Variants in BAZ2B observed in about 807,000 individuals in gnomAD.
BAZ2B encodes bromodomain adjacent to zinc finger domain protein 2B.
BAZ2B carries 91 observed loss-of-function variants against 246.0 expected under a neutral mutation model. The ratio of observed to expected loss-of-function variants is 0.37; its 90% CI spans 0.31 to 0.44. The LOEUF (loss-of-function observed/expected upper bound fraction) is 0.44. Ranked by LOEUF, BAZ2B falls within the 20% of genes least tolerant of loss-of-function variation. BAZ2B has a pLI of 1.00. For synonymous variants in BAZ2B, 855 were observed against 860.0 expected, an observed-to-expected ratio of 0.99 and a Z score of 0.10; for missense variants, 2,332 against 2,533.7, an observed-to-expected ratio of 0.92 and a Z score of 1.71.
chr2:159,668,019 C>T, the BAZ2B span, among the ~76,000 whole-genome samples: 9 of 152,206 alleles, frequency 5.9e-5, no homozygotes, highest in African/African-American at 2.2e-4. Flanking sequence ...AATTCATGAA[C>T]ATGGTATATC....
intron 34 of BAZ2B, among the ~76,000 whole-genome samples, chr2:159,332,034 G>A (rs1176411126): frequency 3.3e-5 from 5 of 151,940 alleles, no homozygotes; most frequent in South Asian, 2.1e-4. Context: ...ATGGAGAGGC[G>A]GTAGTTAAAA....
At chr2:159,700,619 T>C in the BAZ2B span, among the ~76,000 whole-genome samples, 4 of 152,182 alleles carry the variant, frequency 2.6e-5, no homozygotes, top group Non-Finnish European at 4.4e-5. Flanking sequence ...CTAATTTTTG[T>C]ATTTTTTTGT....
the BAZ2B span, among the ~76,000 whole-genome samples, chr2:159,626,959 G>C: frequency 6.6e-6 from 1 of 151,944 alleles, no homozygotes; most frequent in Non-Finnish European, 1.5e-5. Context: ...GAATCAAATG[G>C]ACGCAATAAA....
chr2:159,573,328 T>C (rs180974576), intron 1 of BAZ2B, among the ~76,000 whole-genome samples: 2 of 152,242 alleles, frequency 1.3e-5, no homozygotes, highest in African/African-American at 4.8e-5. Flanking sequence ...ATCAACAGAA[T>C]AGAATTGAGA....
rs1403254197 is a variant in BAZ2B, at chr2:159,418,939, G to C, written c.2467-6394C>G. ...GCCTCTGGTAGTAAAATATTTGTGG[G>C]GTATGTTTTAAATCTGGATTAAGGC... On this transcript the variant is annotated intron_variant, in intron 13 of 36. Coordinates refer to ENST00000392783, the MANE Select transcript of BAZ2B (RefSeq NM_013450.4). Among the ~76,000 whole-genome samples the C allele has an allele frequency of 2.0e-5, 3 of 151,990 alleles. No homozygotes were observed. In the East Asian group the frequency reaches 5.8e-4, roughly 29 times the overall value.
the BAZ2B span, among the ~76,000 whole-genome samples, chr2:159,662,650 G>A: frequency 1.3e-5 from 2 of 151,656 alleles, no homozygotes; most frequent in African/African-American, 4.8e-5. Context: ...TCAGCCTCCC[G>A]AGTAGCTGAG....
the BAZ2B span, among the ~76,000 whole-genome samples, chr2:159,663,892 A>AGAG: frequency 1.3e-4 from 13 of 96,704 alleles, no homozygotes; most frequent in Non-Finnish European, 2.6e-4. Context: ...TTTTTTAATT[A>AGAG]TACTCTAAGT....
intron 2 of BAZ2B, chr2:159,536,273 T>C (rs1578175208): frequency 6.6e-6 from 1 of 151,680 alleles, no homozygotes. Flanking sequence ...GTAGTGGGAG[T>C]GGAGAAAAAA....
chr2:159,453,541 T>C (rs551298251), intron 4 of BAZ2B, 72 bp downstream of exon 4: 33 of 1,444,368 alleles, frequency 2.3e-5, no homozygotes, highest in Admixed American at 7.2e-5. Context: ...TTTTGTTCAA[T>C]AGACAAATTA....
At chr2:159,324,588 GT>G (rs2063173177) in intron 36 of BAZ2B, among the ~76,000 whole-genome samples, 1 of 144,416 alleles carries the variant, frequency 6.9e-6, no homozygotes, top group Admixed American at 7.0e-5. Context: ...AATAATTTTA[GT>G]TGGTTTCTCT....
chr2:159,415,660 A>C (rs1368959704), intron 13 of BAZ2B, among the ~76,000 whole-genome samples: 1 of 152,158 alleles, frequency 6.6e-6, no homozygotes, highest in Non-Finnish European at 1.5e-5. Context: ...TTTTCTCTAA[A>C]AATATCCTCA....
At chr2:159,417,178 T>G (rs1007315637) in intron 13 of BAZ2B, among the ~76,000 whole-genome samples, 59 of 150,876 alleles carry the variant, frequency 3.9e-4, no homozygotes, top group African/African-American at 1.3e-3. Context: ...TTTTTTTGTT[T>G]TTTTTTTTTT....
chr2:159,486,728 A>C (rs1377953106), intron 2 of BAZ2B, among the ~76,000 whole-genome samples: 2 of 151,992 alleles, frequency 1.3e-5, no homozygotes, highest in Admixed American at 6.5e-5. Flanking sequence ...AAATGTATAC[A>C]TAAAGGATAT....
chr2:159,675,805 T>A, the BAZ2B span, among the ~76,000 whole-genome samples: 1 of 152,142 alleles, frequency 6.6e-6, no homozygotes, highest in Non-Finnish European at 1.5e-5. Flanking sequence ...AGTGGCGTGA[T>A]CCTAGCTCAC....
chr2:159,569,363 T>C (rs931413492), intron 1 of BAZ2B, among the ~76,000 whole-genome samples: 23 of 152,154 alleles, frequency 1.5e-4, no homozygotes, highest in Admixed American at 3.9e-4. Flanking sequence ...TTGCAACACG[T>C]GCAGATTCTG....
At chr2:159,653,270 G>A in the BAZ2B span, among the ~76,000 whole-genome samples, 4 of 152,044 alleles carry the variant, frequency 2.6e-5, no homozygotes, top group African/African-American at 9.7e-5. Flanking sequence ...ACCTCCCACA[G>A]CACCTTTTTA....
chr2:159,629,376 T>C, the BAZ2B span, among the ~76,000 whole-genome samples: 1 of 152,162 alleles, frequency 6.6e-6, no homozygotes, highest in Non-Finnish European at 1.5e-5. Context: ...CGTGCACACA[T>C]ATGTTTATTG....
intron 31 of BAZ2B, among the ~76,000 whole-genome samples, chr2:159,345,973 A>G (rs1420822381): frequency 6.6e-6 from 1 of 152,254 alleles, no homozygotes; most frequent in East Asian, 1.9e-4. Context: ...AATGTGTAAC[A>G]TAAGCGATCC....
intron 27 of BAZ2B, among the ~76,000 whole-genome samples, chr2:159,370,801 C>T (rs557574625): frequency 9.9e-5 from 15 of 152,146 alleles, no homozygotes; most frequent in African/African-American, 2.4e-4. Flanking sequence ...AAGTATCATT[C>T]ATTTATTTAT....
Sources: allele counts gnomAD v4.1 joint callset (sites outside exome capture counted in the v4.1 genomes callset), GRCh38; gene constraint gnomAD v4.1.1; transcripts MANE v1.5; gene names NCBI Gene and HGNC (gene_info 2026-07-23, HGNC 2026-07-21).